Variants in SLC12A7 observed in about 807,000 individuals in gnomAD.
SLC12A7 encodes the protein solute carrier family 12 member 7.
A neutral mutation model predicts 120.6 loss-of-function variants in SLC12A7; 100 were observed. The observed-to-expected ratio is 0.83, with a 90% CI of 0.71 to 0.98. The LOEUF (loss-of-function observed/expected upper bound fraction) is 0.98, where lower values mean the gene tolerates loss of function less well. Ranked by LOEUF, SLC12A7 falls within the 50% of genes least tolerant of loss-of-function variation. The probability of loss-of-function intolerance (pLI) is 0.00; values close to 1 mark genes in which losing one functional copy is unlikely to be tolerated. For synonymous variants in SLC12A7, 760 were observed against 678.0 expected (o/e 1.12, Z -1.88); for missense variants, 1,373 against 1,548.1 (o/e 0.89, Z 1.90).
At chr5:1,092,554 G>C (rs1447771506) in intron 3 of SLC12A7, among the ~76,000 whole-genome samples, 6 of 152,182 alleles carry the variant, frequency 3.9e-5, no homozygotes, top group African/African-American at 1.4e-4. Context: ...GAAAATAATA[G>C]GGGAATTTAA....
intron 21 of SLC12A7, among the ~76,000 whole-genome samples, chr5:1,059,333 C>T (rs1008610118): frequency 4.6e-5 from 7 of 152,226 alleles, no homozygotes; most frequent in Non-Finnish European, 1.0e-4. Flanking sequence ...TTCCGGCTGT[C>T]AGCACATATG....
At chr5:1,129,558 G>A in the SLC12A7 span, among the ~76,000 whole-genome samples, 1 of 152,130 alleles carries the variant, frequency 6.6e-6, no homozygotes, top group Non-Finnish European at 1.5e-5. Flanking sequence ...CGTCCCAGGC[G>A]ACAGGGTGGA....
At chr5:1,123,087 C>T in the SLC12A7 span, among the ~76,000 whole-genome samples, 1 of 152,318 alleles carries the variant, frequency 6.6e-6, no homozygotes, top group East Asian at 1.9e-4. Flanking sequence ...CTGGCTGAGC[C>T]GCTGCCACTG....
chr5:1,076,880 G>C (rs1439681158), intron 12 of SLC12A7, 68 bp from the exon 13 acceptor site: 1 of 1,094,768 alleles, frequency 9.1e-7, no homozygotes, highest in Non-Finnish European at 1.4e-6. Context: ...CTGCAGGCTG[G>C]TCAGGTCTAG....
At chr5:1,058,494 C>T (rs1157208269) in intron 21 of SLC12A7, among the ~76,000 whole-genome samples, 1 of 152,264 alleles carries the variant, frequency 6.6e-6, no homozygotes, top group Non-Finnish European at 1.5e-5. Flanking sequence ...GTTTGTGACG[C>T]AGCCCGGGGA....
At chr5:1,063,818 C>T (rs1736603208) in intron 20 of SLC12A7, 26 bp downstream of exon 20, 1 of 1,345,788 alleles carries the variant, frequency 7.4e-7, no homozygotes, top group South Asian at 1.4e-5. Flanking sequence ...CCCCCGGCCT[C>T]CTCCCCTCAA....
At chr5:1,064,616 C>T (rs557900476) in intron 18 of SLC12A7, among the ~76,000 whole-genome samples, 4 of 152,250 alleles carry the variant, frequency 2.6e-5, no homozygotes, top group South Asian at 2.1e-4. Flanking sequence ...GGCCTGGGGA[C>T]GTTGAGGGGA....
intron 1 of SLC12A7, among the ~76,000 whole-genome samples, chr5:1,109,531 G>A (rs139161838): frequency 0.015 from 2,217 of 152,316 alleles, 21 homozygotes; most frequent in East Asian, 0.022. Flanking sequence ...GACGCCTCCC[G>A]CAGAGGCTCC....
At chr5:1,118,065 G>C in the SLC12A7 span, among the ~76,000 whole-genome samples, 6 of 152,224 alleles carry the variant, frequency 3.9e-5, no homozygotes, top group Non-Finnish European at 7.4e-5. Flanking sequence ...GATAGAGTGA[G>C]ACTCTGTCTC....
In SLC12A7 at chr5:1,077,916, A is replaced by T; in HGVS notation, c.1546T>A (p.Cys516Ser). 1.9e-6 allele frequency: 3 copies of T among 1,600,454 alleles called. No individual in the cohort carries two copies. The highest frequency in any genetic ancestry group is 2.6e-6 in the Non-Finnish European group (3 of 1,174,218). The part of the protein sequence containing the change: ...VIVIGSFFST[C>S]GAGLQSLTGA... The stretch of plus-strand genomic sequence containing the variant: ...GTGAGGCTCTGCAGGCCGGCACCGC[A>T]GGTGGAGAAGAAGGAGCCGATGACG... The change falls in exon 12 of 24, where the codon TGC becomes AGC. Residue 516 changes from cysteine to serine, a missense_variant. Physicochemically the swap from Cys to Ser is moderately radical, Grantham distance 112. Transcript: ENST00000264930.
chr5:1,076,267 C>T, intron 13 of SLC12A7, 31 bp from the exon 14 acceptor site: 1 of 1,561,070 alleles, frequency 6.4e-7, no homozygotes. Context: ...TGATACGGGC[C>T]CACTGGGCCC....
the SLC12A7 span, among the ~76,000 whole-genome samples, chr5:1,154,610 G>A: frequency 6.6e-6 from 1 of 152,184 alleles, no homozygotes; most frequent in African/African-American, 2.4e-5. Flanking sequence ...GCACAGAGAC[G>A]TGCTGAGGAG....
chr5:1,108,980 G>C (rs1375312123), intron 1 of SLC12A7, among the ~76,000 whole-genome samples: 1 of 152,212 alleles, frequency 6.6e-6, no homozygotes, highest in African/African-American at 2.4e-5. Context: ...ACCCAAAGAG[G>C]GAAGTGGCGC....
chr5:1,068,923 A>G (rs2150813401), intron 17 of SLC12A7, among the ~76,000 whole-genome samples: 1 of 152,366 alleles, frequency 6.6e-6, no homozygotes, highest in East Asian at 1.9e-4. Context: ...CAGTGCCAGG[A>G]TTCTTAGAAT....
At chr5:1,114,298 G>C (rs1389881874), upstream of SLC12A7, among the ~76,000 whole-genome samples, 1 of 152,184 alleles carries the variant, frequency 6.6e-6, no homozygotes, top group Non-Finnish European at 1.5e-5. Context: ...ACTTGTGGGA[G>C]ACCTCGGGTG....
the SLC12A7 span, among the ~76,000 whole-genome samples, chr5:1,131,706 A>G: frequency 5.3e-5 from 8 of 152,150 alleles, no homozygotes; most frequent in Non-Finnish European, 8.8e-5. Context: ...CAATCCCCAG[A>G]GCCTTGCCTA....
chr5:1,103,573 G>A (rs975934644), intron 1 of SLC12A7, among the ~76,000 whole-genome samples: 6 of 152,004 alleles, frequency 3.9e-5, no homozygotes, highest in African/African-American at 9.7e-5. Flanking sequence ...CACTCACCTC[G>A]CAAACCTGCA....
intron 1 of SLC12A7, among the ~76,000 whole-genome samples, chr5:1,108,688 C>T (rs1171913244): frequency 3.3e-5 from 5 of 152,256 alleles, no homozygotes; most frequent in South Asian, 4.1e-4. Flanking sequence ...CAGATCAGCA[C>T]GACCGGCGTG....
chr5:1,050,609 C>CTGTT lies in SLC12A7; in HGVS notation c.*1747_*1750dup. The CTGTT allele has an allele frequency of 2.7e-6, 1 of 365,782 alleles. No individual in the cohort carries two copies. Among genetic ancestry groups the CTGTT allele is most frequent in the Non-Finnish European group, 4.9e-6 (1 of 205,878 alleles). 22.7% of individuals were successfully genotyped at this position (365,782 alleles called of 1,614,324 possible). A position where few individuals can be genotyped will look rare whatever the true frequency, so the allele number is the denominator to read the frequency against. ...AACTGAGCGGCCCTCAGAAGCAGGG[C>CTGTT]TGTTTTCCAGCCACCAACCAACGTT... On this transcript the variant is annotated 3_prime_UTR_variant, in exon 24 of 24. Coordinates refer to ENST00000264930, the MANE Select transcript of SLC12A7 (RefSeq NM_006598.3).
Sources: gnomAD v4.1 joint callset for allele counts (sites outside exome capture counted in the v4.1 genomes callset) on GRCh38, gnomAD v4.1.1 for gene constraint, MANE v1.5 for transcripts, NCBI Gene and HGNC (gene_info 2026-07-23, HGNC 2026-07-21) for gene names.